Variants in KCTD15 observed in about 807,000 individuals in gnomAD.
The protein encoded by KCTD15 is BTB/POZ domain-containing protein KCTD15.
Under a neutral mutation model 27.2 loss-of-function variants are expected in KCTD15, and 11 were observed. That is an observed-to-expected ratio of 0.41 (90% CI 0.25 to 0.67). KCTD15 has a LOEUF of 0.67. Among genes scored for constraint, KCTD15 ranks in the 30% least tolerant of loss-of-function variants. The pLI is 0.35. For synonymous variants in KCTD15, 163 were observed against 176.0 expected, an observed-to-expected ratio of 0.93 and a Z score of 0.58; for missense variants, 350 against 409.3, an observed-to-expected ratio of 0.86 and a Z score of 1.25.
At chr19:33,795,353 T>C (rs1332085368), upstream of KCTD15, among the ~76,000 whole-genome samples, 1 of 151,960 alleles carries the variant, frequency 6.6e-6, no homozygotes. Context: ...GGTCCTCTAG[T>C]AGAGGGAGAA....
chr19:33,808,591 G>T (rs1304600507), intron 5 of KCTD15, among the ~76,000 whole-genome samples: 1 of 152,128 alleles, frequency 6.6e-6, no homozygotes, highest in African/African-American at 2.4e-5. Flanking sequence ...TCAGGACCTT[G>T]GTGGGTGGCC....
At chr19:33,797,549 G>A (rs926166109) in intron 1 of KCTD15, 2 of 344,628 alleles carry the variant, frequency 5.8e-6, no homozygotes, top group African/African-American at 2.2e-5. Context: ...CGCAGGGTTT[G>A]GGGCTGGGAG....
At chr19:33,795,083 T>G (rs1327388848), upstream of KCTD15, among the ~76,000 whole-genome samples, 1 of 152,228 alleles carries the variant, frequency 6.6e-6, no homozygotes, top group Non-Finnish European at 1.5e-5. Context: ...ATCCATAAAT[T>G]AAGGAAATTA....
chr19:33,811,059 C>T (rs941533188), intron 5 of KCTD15, among the ~76,000 whole-genome samples, 188 bp from the exon 6 acceptor site: 1 of 152,172 alleles, frequency 6.6e-6, no homozygotes, highest in African/African-American at 2.4e-5. Flanking sequence ...AGGCTAGGTT[C>T]TTTATACTTG....
chr19:33,799,085 G>C (rs1209608321), intron 2 of KCTD15, among the ~76,000 whole-genome samples: 1 of 151,956 alleles, frequency 6.6e-6, no homozygotes, highest in African/African-American at 2.4e-5. Context: ...GTTTTTTTAA[G>C]CTTGTAGAAC....
chr19:33,796,482 C>G (rs1010264454), upstream of KCTD15: 3 of 150,160 alleles, frequency 2.0e-5, no homozygotes, highest in African/African-American at 7.3e-5. Flanking sequence ...GCGGCGCAGC[C>G]GAGCCCCGAG....
rs1227582707 is a variant in KCTD15 at position 33,815,211 on chromosome 19, A to G, written c.*2263A>G. On this transcript the variant is annotated 3_prime_UTR_variant, in exon 7 of 7. Transcript: ENST00000683859. ...TAAAATTTATTAATAAAGAAGGGGA[A>G]AAAGGAGTAACTCTACCTGACTAAA... 6.6e-6 allele frequency: 1 copy of G among 152,192 alleles called. No individual in the cohort carries two copies. Among genetic ancestry groups the G allele is most frequent in the African/African-American group, 2.4e-5 (1 of 41,452 alleles). The allele number at this position is 152,192 out of a possible 1,614,324, so 9.4% of individuals were successfully genotyped here. A position where few individuals can be genotyped will look rare whatever the true frequency, so the allele number is the denominator to read the frequency against.
intron 6 of KCTD15, 23 bp downstream of exon 6, chr19:33,811,575 TC>T: frequency 6.4e-7 from 1 of 1,560,302 alleles, no homozygotes; most frequent in Non-Finnish European, 8.7e-7. Flanking sequence ...CGCTGCCCCC[TC>T]CCCGCCGCAC....
upstream of KCTD15, chr19:33,796,305 G>A (rs1975315320): frequency 6.6e-6 from 1 of 150,488 alleles, no homozygotes; most frequent in East Asian, 2.0e-4. Flanking sequence ...AGGGCGCTGG[G>A]GCCTGGGCGC....
Position 33,813,039 on chromosome 19 carries a change from A to T in KCTD15, c.*91A>T, listed in dbSNP as rs1267151831. On this transcript the variant is annotated 3_prime_UTR_variant, in exon 7 of 7. Transcript: ENST00000683859. ...GTGTATACTTGGCCGTGGGCATGAG[A>T]CCGAGGGTGAGGCTGGAGGGTCCAA... 1.7e-5 allele frequency: 23 copies of T among 1,341,386 alleles called. No homozygotes were observed. The highest frequency in any genetic ancestry group is 2.3e-5 in the Non-Finnish European group (22 of 972,878). The allele number at this position is 1,341,386 out of a possible 1,614,324, so 83.1% of individuals were successfully genotyped here. A position where few individuals can be genotyped will look rare whatever the true frequency, so the allele number is the denominator to read the frequency against.
At chr19:33,812,673 C>A (rs184612711) in intron 6 of KCTD15, 117 bp from the exon 7 acceptor site, 2 of 1,387,160 alleles carry the variant, frequency 1.4e-6, no homozygotes, top group Non-Finnish European at 1.9e-6. Context: ...AGACTGAGAT[C>A]GTCACAGGAG....
chr19:33,810,620 G>A (rs889973295), intron 5 of KCTD15, among the ~76,000 whole-genome samples: 1 of 150,232 alleles, frequency 6.7e-6, no homozygotes, highest in Non-Finnish European at 1.5e-5. Flanking sequence ...AGCCAAAATC[G>A]AGCCACTGCA....
At chr19:33,811,696 A>G in intron 6 of KCTD15, 144 bp downstream of exon 6, 1 of 1,525,012 alleles carries the variant, frequency 6.6e-7, no homozygotes, top group African/African-American at 1.4e-5. Flanking sequence ...CAATGTGTCG[A>G]TGCATAATTT....
In KCTD15 at chr19:33,813,690, G is replaced by A. The variant is rs1480293359; in HGVS notation, c.*742G>A. On this transcript the variant is annotated 3_prime_UTR_variant, in exon 7 of 7. Coordinates refer to ENST00000683859, the MANE Select transcript of KCTD15 (RefSeq NM_001129994.2). ...CTGACCTGCTGCCCAGGGGCTTCCA[G>A]TCCTGTCTGTGTGGACTGGCACCTG... The A allele has an allele frequency of 1.1e-5, 3 of 270,816 alleles. No homozygotes were observed. The highest frequency in any genetic ancestry group is 2.3e-5 in the African/African-American group (1 of 43,318). 16.8% of individuals were successfully genotyped at this position (270,816 alleles called of 1,614,324 possible).
rs1472659544 is a variant in KCTD15, at chr19:33,815,320, T to C, written c.*2372T>C. 1 of 152,226 alleles carries C rather than the reference T, an allele frequency of 6.6e-6. No individual in the cohort carries two copies. The highest frequency in any genetic ancestry group is 3.2e-3 in the Middle Eastern group (1 of 316). The allele number at this position is 152,226 out of a possible 1,614,324, so 9.4% of individuals were successfully genotyped here. On this transcript the variant is annotated 3_prime_UTR_variant, in exon 7 of 7. Transcript: ENST00000683859. ...ACATCAACCAGAGAATTTCTGAATT[T>C]ATAGGGAAACACTATGTCCCCATAA...
At chr19:33,808,279 C>G (rs2145479838) in intron 5 of KCTD15, among the ~76,000 whole-genome samples, 2 of 152,366 alleles carry the variant, frequency 1.3e-5, no homozygotes, top group Middle Eastern at 3.4e-3. Context: ...GTGCCAGCCT[C>G]TGAATTCAGG....
intron 6 of KCTD15, chr19:33,811,875 A>T: frequency 1.9e-6 from 3 of 1,592,630 alleles, no homozygotes; most frequent in Non-Finnish European, 1.7e-6. Context: ...TTCGAACTAA[A>T]CCCAGGCAAC....
At chr19:33,805,540 G>A (rs1043116548) in intron 4 of KCTD15, among the ~76,000 whole-genome samples, 1 of 152,200 alleles carries the variant, frequency 6.6e-6, no homozygotes, top group Non-Finnish European at 1.5e-5. Flanking sequence ...GGCAGAGAGT[G>A]AGGGGCTTAG....
chr19:33,798,314 G>C (rs1051264971), intron 1 of KCTD15: 7 of 152,252 alleles, frequency 4.6e-5, no homozygotes, highest in African/African-American at 1.7e-4. Flanking sequence ...ATCGTCTCAA[G>C]CTGCCGCAGC....
Sources: allele counts gnomAD v4.1 joint callset (sites outside exome capture counted in the v4.1 genomes callset), GRCh38; gene constraint gnomAD v4.1.1; transcripts MANE v1.5; gene names NCBI Gene and HGNC (gene_info 2026-07-23, HGNC 2026-07-21).